The following MDGA2 variants were observed in gnomAD, a reference collection of about 807,000 sequenced individuals.
MDGA2 encodes MAM domain containing glycosylphosphatidylinositol anchor 2.
Under a neutral mutation model 117.8 loss-of-function variants are expected in MDGA2, and 40 were observed. The observed-to-expected ratio is 0.34, with a 90% CI of 0.26 to 0.44. The LOEUF is 0.44. MDGA2 is among the 20% of genes least tolerant of loss of function. The pLI is 1.00. For synonymous variants in MDGA2, 452 were observed against 439.0 expected (o/e 1.03, Z -0.37); for missense variants, 1,123 against 1,250.6 (o/e 0.90, Z 1.54).
chr14:47,131,013 A>T (rs1594653325), intron 5 of MDGA2, among the ~76,000 whole-genome samples: 1 of 152,122 alleles, frequency 6.6e-6, no homozygotes, highest in Middle Eastern at 3.4e-3. Flanking sequence ...AACTTAAAGT[A>T]TAATAATATA....
intron 1 of MDGA2, among the ~76,000 whole-genome samples, chr14:47,508,210 G>A (rs1489267143): frequency 1.3e-5 from 2 of 152,064 alleles, no homozygotes; most frequent in African/African-American, 4.8e-5. Context: ...AATATTTCCA[G>A]TTCCTTACAC....
intron 8 of MDGA2, among the ~76,000 whole-genome samples, chr14:47,000,390 T>TA (rs1887475803): frequency 2.3e-5 from 1 of 43,184 alleles, no homozygotes; most frequent in Non-Finnish European, 4.5e-5. Context: ...TATATATATA[T>TA]TTATATATAA....
intron 1 of MDGA2, among the ~76,000 whole-genome samples, chr14:47,459,692 T>C (rs1893443252): frequency 6.6e-6 from 1 of 152,144 alleles, no homozygotes; most frequent in African/African-American, 2.4e-5. Context: ...TGAAATTACA[T>C]ATTGAAAGGA....
At chr14:47,069,307 A>G (rs1890195108) in intron 6 of MDGA2, among the ~76,000 whole-genome samples, 1 of 152,190 alleles carries the variant, frequency 6.6e-6, no homozygotes, top group South Asian at 2.1e-4. Flanking sequence ...GTCACTTTAC[A>G]TTATTGGCTC....
chr14:47,084,083 C>A (rs1334140849), intron 6 of MDGA2, among the ~76,000 whole-genome samples: 1 of 152,072 alleles, frequency 6.6e-6, no homozygotes, highest in Admixed American at 6.6e-5. Context: ...CAACATTTAT[C>A]GAGCATTATC....
chr14:46,952,520 T>C (rs1885405689), intron 9 of MDGA2, among the ~76,000 whole-genome samples: 2 of 151,998 alleles, frequency 1.3e-5, no homozygotes, highest in Admixed American at 1.3e-4. Context: ...CATATTTAAA[T>C]CCTGGTTATT....
At chr14:47,379,497 A>G (rs1050677240) in intron 1 of MDGA2, among the ~76,000 whole-genome samples, 4 of 152,296 alleles carry the variant, frequency 2.6e-5, no homozygotes, top group Admixed American at 6.5e-5. Flanking sequence ...AGACACACAT[A>G]GGCTCAAAAT....
chr14:47,213,736 T>C (rs1286438236), intron 3 of MDGA2, among the ~76,000 whole-genome samples: 1 of 152,196 alleles, frequency 6.6e-6, no homozygotes, highest in Non-Finnish European at 1.5e-5. Context: ...TCTTGTTTCA[T>C]GAATACAGTA....
rs191556709 is a variant in MDGA2, at chr14:47,016,861, C to T, written c.1819+18150G>A. ...TCCAAGTTAACAGGAAATTATGGAG[C>T]GTTTATGCAACTCACCTGCAAAAGC... On this transcript the variant is annotated intron_variant, in intron 8 of 16. Coordinates refer to ENST00000399232, the MANE Select transcript of MDGA2 (RefSeq NM_001113498.3). Among the ~76,000 whole-genome samples the T allele has an allele frequency of 5.9e-4, 90 of 152,024 alleles. 2 individuals carry two copies. The highest frequency in any genetic ancestry group is 2.0e-3 in the African/African-American group (85 of 41,520).
In MDGA2 at chr14:47,205,632, A is replaced by AT. The variant is rs1885656493; in HGVS notation, c.595+12388dup. Among the ~76,000 whole-genome samples, 7 of 152,044 alleles carry AT rather than the reference A, an allele frequency of 4.6e-5. No individual in the cohort carries two copies. The South Asian group carries it at 1.2e-3, about 27-fold the overall frequency. ...AAATAATCTAAAACTTTTGCAGATG[A>AT]TTAAGGATGTTTCATCCAATTTTTT... On this transcript the variant is annotated intron_variant, in intron 3 of 16. Coordinates refer to ENST00000399232, the MANE Select transcript of MDGA2 (RefSeq NM_001113498.3).
chr14:47,449,454 G>A (rs1332454543), intron 1 of MDGA2, among the ~76,000 whole-genome samples: 2 of 152,036 alleles, frequency 1.3e-5, no homozygotes, highest in African/African-American at 4.8e-5. Flanking sequence ...GGACTGATGA[G>A]AATTGGCCAC....
rs766342490 is a variant in MDGA2 at position 46,841,901 on chromosome 14, G to C, written c.*30C>G. 1.0e-5 allele frequency: 15 copies of C among 1,453,786 alleles called. No homozygotes were observed. Among genetic ancestry groups the C allele is most frequent in the Non-Finnish European group, 1.3e-5 (14 of 1,048,558 alleles). 90.1% of individuals were successfully genotyped at this position (1,453,786 alleles called of 1,614,324 possible). On this transcript the variant is annotated 3_prime_UTR_variant, in exon 17 of 17. Coordinates refer to ENST00000399232, the MANE Select transcript of MDGA2 (RefSeq NM_001113498.3). ...CTCTTTCTTCATGCCAGTGCCTGGT[G>C]AATCTTTTATAGCCTCTGCCAGGAT...
intron 1 of MDGA2, among the ~76,000 whole-genome samples, chr14:47,608,417 T>C (rs1307256712): frequency 1.3e-5 from 2 of 152,144 alleles, no homozygotes; most frequent in Non-Finnish European, 2.9e-5. Flanking sequence ...TTTGAGAGCA[T>C]ATGATGTTCA....
chr14:47,041,627 A>T (rs1490322317), intron 7 of MDGA2, among the ~76,000 whole-genome samples: 1 of 144,724 alleles, frequency 6.9e-6, no homozygotes, highest in African/African-American at 2.5e-5. Context: ...AAAGTTTCTC[A>T]TTCCAAACGT....
chr14:46,982,370 C>A, intron 8 of MDGA2, among the ~76,000 whole-genome samples: 1 of 151,826 alleles, frequency 6.6e-6, no homozygotes, highest in East Asian at 1.9e-4. Flanking sequence ...TACAGATGGA[C>A]AAATTAGTTT....
intron 7 of MDGA2, among the ~76,000 whole-genome samples, chr14:47,044,911 A>G (rs1889203417): frequency 6.6e-6 from 1 of 152,160 alleles, no homozygotes; most frequent in South Asian, 2.1e-4. Flanking sequence ...ACATATGGGG[A>G]GAAATAGGTT....
chr14:47,048,418 A>G (rs6572397), intron 7 of MDGA2, among the ~76,000 whole-genome samples: 1 of 151,844 alleles, frequency 6.6e-6, no homozygotes, highest in Non-Finnish European at 1.5e-5. Context: ...CAGTGGTAAA[A>G]TCCTCAACGC....
intron 1 of MDGA2, among the ~76,000 whole-genome samples, chr14:47,337,449 T>C (rs1468037941): frequency 1.3e-5 from 2 of 152,032 alleles, no homozygotes; most frequent in Non-Finnish European, 2.9e-5. Context: ...CCCGTCTATC[T>C]GACTAATTTG....
chr14:47,022,638 A>G (rs796788288), intron 8 of MDGA2, among the ~76,000 whole-genome samples: 2 of 152,324 alleles, frequency 1.3e-5, no homozygotes, highest in African/African-American at 4.8e-5. Flanking sequence ...TTAAAAAATT[A>G]CACATGGCTG....
Sources: allele counts gnomAD v4.1 joint callset (sites outside exome capture counted in the v4.1 genomes callset), GRCh38; gene constraint gnomAD v4.1.1; transcripts MANE v1.5; gene names NCBI Gene and HGNC (gene_info 2026-07-23, HGNC 2026-07-21).